Variants in CCDC102B observed in about 807,000 individuals in gnomAD.
CCDC102B encodes coiled-coil domain-containing protein 102B.
Under a neutral mutation model 57.4 loss-of-function variants are expected in CCDC102B, and 75 were observed. The ratio of observed to expected loss-of-function variants is 1.31; its 90% CI spans 1.08 to 1.58. The LOEUF (loss-of-function observed/expected upper bound fraction) is 1.58. CCDC102B is among the 40% of genes most tolerant of loss of function. The pLI, the probability that CCDC102B is intolerant of heterozygous loss-of-function variation, is 0.00. For missense variants in CCDC102B, 636 were observed against 582.6 expected (o/e 1.09, Z -0.94); for synonymous variants, 206 against 201.9 (o/e 1.02, Z -0.17).
At chr18:68,934,661 TA>T (rs1030735538) in intron 6 of CCDC102B, among the ~76,000 whole-genome samples, 1 of 151,782 alleles carries the variant, frequency 6.6e-6, no homozygotes, top group South Asian at 2.1e-4. Context: ...GGAAAAACTG[TA>T]AAAAAAAGTT....
At chr18:68,959,423 C>T (rs1200508396) in intron 6 of CCDC102B, among the ~76,000 whole-genome samples, 3 of 152,138 alleles carry the variant, frequency 2.0e-5, no homozygotes, top group Non-Finnish European at 2.9e-5. Flanking sequence ...TTTGAGGCCA[C>T]CATCACTGGA....
intron 6 of CCDC102B, among the ~76,000 whole-genome samples, chr18:68,956,334 T>TATATAATATATATAAA (rs1555732879): frequency 1.5e-4 from 11 of 73,452 alleles, no homozygotes; most frequent in East Asian, 1.4e-3. Flanking sequence ...ATATATATTA[T>TATATAATATATATAAA]ATATAATATA....
chr18:68,820,063 C>T (rs2036634097), intron 1 of CCDC102B, among the ~76,000 whole-genome samples: 1 of 152,022 alleles, frequency 6.6e-6, no homozygotes, highest in Non-Finnish European at 1.5e-5. Context: ...CTTTCCTCAT[C>T]ACACTAATGG....
chr18:68,853,265 A>G (rs976331459), intron 4 of CCDC102B, among the ~76,000 whole-genome samples: 40 of 152,334 alleles, frequency 2.6e-4, no homozygotes, highest in Middle Eastern at 3.4e-3. Flanking sequence ...TACATAAAAT[A>G]TACTTTTTTA....
At chr18:68,925,214 G>A (rs377597780) in intron 6 of CCDC102B, among the ~76,000 whole-genome samples, 10 of 151,960 alleles carry the variant, frequency 6.6e-5, no homozygotes, top group Admixed American at 2.6e-4. Flanking sequence ...ACTATTCTTC[G>A]TTAGTTCTCA....
intron 7 of CCDC102B, among the ~76,000 whole-genome samples, chr18:69,022,211 AT>A (rs2051855951): frequency 1.6e-4 from 6 of 36,954 alleles, no homozygotes; most frequent in East Asian, 1.3e-3. Context: ...ATATATATAT[AT>A]ATATATATAT....
rs1261766679 is a variant in CCDC102B at position 68,982,548 on chromosome 18, C to G, written c.1264-28386C>G. ...GGCACTCTGATTTGGATTGCATAGC[C>G]CTTGTCAAAGACAAAAGATGCTGTA... On this transcript the variant is annotated intron_variant, in intron 6 of 7. Transcript: ENST00000360242. Among the ~76,000 whole-genome samples the G allele has an allele frequency of 3.3e-5, 5 of 151,880 alleles. No individual in the cohort carries two copies. The South Asian group carries it at 6.2e-4, about 19-fold the overall frequency.
intron 2 of CCDC102B, among the ~76,000 whole-genome samples, chr18:68,768,357 C>G (rs2144607136): frequency 6.6e-6 from 1 of 152,294 alleles, no homozygotes; most frequent in East Asian, 1.9e-4. Context: ...CATTTATATT[C>G]TAATTTTCAG....
At chr18:68,921,721 G>A (rs1444526790) in intron 6 of CCDC102B, among the ~76,000 whole-genome samples, 2 of 152,116 alleles carry the variant, frequency 1.3e-5, no homozygotes, top group Middle Eastern at 3.2e-3. Context: ...CAAAGAAATG[G>A]GGAGCGTAAT....
intron 7 of CCDC102B, among the ~76,000 whole-genome samples, chr18:69,033,492 CT>C (rs1274284071): frequency 6.6e-6 from 1 of 152,094 alleles, no homozygotes; most frequent in Non-Finnish European, 1.5e-5. Context: ...TAGTTTCCCT[CT>C]TTACAGACTT....
At chr18:68,987,224 C>T (rs914082757) in intron 6 of CCDC102B, among the ~76,000 whole-genome samples, 5 of 152,088 alleles carry the variant, frequency 3.3e-5, no homozygotes, top group Non-Finnish European at 7.4e-5. Flanking sequence ...AAAACAGACA[C>T]ATTGACCAAT....
intron 3 of CCDC102B, 66 bp downstream of exon 3, chr18:68,838,992 A>G (rs1003663302): frequency 8.0e-7 from 1 of 1,243,116 alleles, no homozygotes; most frequent in Non-Finnish European, 1.2e-6. Context: ...TTGTTAATAC[A>G]GATAGATTGG....
chr18:68,986,003 A>T (rs2050713301), intron 6 of CCDC102B, among the ~76,000 whole-genome samples: 1 of 152,198 alleles, frequency 6.6e-6, no homozygotes, highest in Non-Finnish European at 1.5e-5. Context: ...TGAAAAACTA[A>T]AACTTACATA....
rs76312618 is a variant in CCDC102B, at chr18:68,939,805, C to T, written c.1263+42377C>T. Among the ~76,000 whole-genome samples, 76 of 151,866 alleles carry T rather than the reference C, an allele frequency of 5.0e-4. 1 individual carries two copies. In the East Asian group the frequency reaches 8.1e-3, roughly 16 times the overall value. The stretch of plus-strand genomic sequence containing the variant: ...TGAATAAAAATTACCACAATCCACT[C>T]AACATGCAGACACTTATTATCCTAT... On this transcript the variant is annotated intron_variant, in intron 6 of 7. Transcript: ENST00000360242.
Position 68,836,968 on chromosome 18 carries a change from A to G in CCDC102B, c.205A>G (p.Ile69Val), listed in dbSNP as rs767429257. ...CTCATATAACACCAACAAATGGGATATTTGTGAAGAACTTCGCCTGCGGGA... is the reference window on the plus strand; with the variant it reads ...CTCATATAACACCAACAAATGGGATGTTTGTGAAGAACTTCGCCTGCGGGA... ...AHSYNTNKWD[I>V]CEELRLRELE... The change falls in exon 2 of 8, where the codon ATT becomes GTT. Residue 69 changes from isoleucine (I) to valine (V), a missense_variant. Ile to Val is a conservative substitution (Grantham distance 29, BLOSUM62 3). Coordinates refer to ENST00000360242, the MANE Select transcript of CCDC102B (RefSeq NM_024781.3). The G allele has an allele frequency of 1.2e-6, 2 of 1,614,164 alleles. No homozygotes were observed. Among genetic ancestry groups the G allele is most frequent in the South Asian group, 1.1e-5 (1 of 91,086 alleles).
chr18:68,875,767 A>T (rs2039419542), intron 5 of CCDC102B, among the ~76,000 whole-genome samples: 1 of 152,134 alleles, frequency 6.6e-6, no homozygotes. Flanking sequence ...ATGAAACAGG[A>T]TTTTGGAAAA....
intron 6 of CCDC102B, chr18:68,902,257 A>C (rs2040481945): frequency 6.6e-6 from 1 of 152,238 alleles, no homozygotes; most frequent in Non-Finnish European, 1.5e-5. Context: ...TTCTTTCTGG[A>C]GGAAAAAAAT....
At chr18:68,871,787 T>C (rs1461913164) in intron 4 of CCDC102B, among the ~76,000 whole-genome samples, 3 of 152,166 alleles carry the variant, frequency 2.0e-5, no homozygotes, top group African/African-American at 7.2e-5. Context: ...ATTTATATAA[T>C]AAGTTGATTG....
At chr18:68,966,475 C>G (rs1013744264) in intron 6 of CCDC102B, among the ~76,000 whole-genome samples, 3 of 152,104 alleles carry the variant, frequency 2.0e-5, no homozygotes, top group Admixed American at 2.0e-4. Flanking sequence ...TTTGTTATTG[C>G]TATGGTTACC....
Sources: gnomAD v4.1 joint callset for allele counts (sites outside exome capture counted in the v4.1 genomes callset) on GRCh38, gnomAD v4.1.1 for gene constraint, MANE v1.5 for transcripts, NCBI Gene and HGNC (gene_info 2026-07-23, HGNC 2026-07-21) for gene names.